SAAL1: variants seen among roughly 807,000 people sequenced by gnomAD.
The protein encoded by SAAL1 is protein SAAL1.
A neutral mutation model predicts 59.8 loss-of-function variants in SAAL1; 42 were observed. The ratio of observed to expected loss-of-function variants is 0.70; its 90% CI spans 0.55 to 0.91. SAAL1 has a LOEUF of 0.91. Ranked by LOEUF, SAAL1 falls within the 40% of genes least tolerant of loss-of-function variation. The pLI is 0.00. For synonymous variants in SAAL1, 191 were observed against 194.3 expected (o/e 0.98, Z 0.14); for missense variants, 542 against 561.1 (o/e 0.97, Z 0.34).
Position 18,089,319 on chromosome 11 carries a change from A to G in SAAL1, c.770+11T>C. 1 of 1,533,874 alleles carries G rather than the reference A, an allele frequency of 6.5e-7. No individual in the cohort carries two copies. The highest frequency in any genetic ancestry group is 2.4e-5 in the Admixed American group (1 of 41,286). On this transcript the variant is annotated intron_variant, in intron 7 of 11. Coordinates refer to ENST00000524803, the MANE Select transcript of SAAL1 (RefSeq NM_138421.3). Reference sequence around the variant, plus strand: ...TTTCCCAGAACATTTTACACAAAAGAGCTCACCTACCGTACTTGTTTGGCA... The same window carrying G: ...TTTCCCAGAACATTTTACACAAAAGGGCTCACCTACCGTACTTGTTTGGCA...
intron 2 of SAAL1, among the ~76,000 whole-genome samples, chr11:18,101,768 C>T (rs1256932326): frequency 6.8e-6 from 1 of 146,000 alleles, no homozygotes; most frequent in East Asian, 2.0e-4. Flanking sequence ...CATTCATCAA[C>T]AGGTAAAAAA....
chr11:18,095,783 T>C (rs1848568612), intron 3 of SAAL1, among the ~76,000 whole-genome samples: 1 of 152,250 alleles, frequency 6.6e-6, no homozygotes, highest in Non-Finnish European at 1.5e-5. Context: ...CTTTAGTCTT[T>C]ATCTATTGTT....
chr11:18,097,660 G>A (rs1290745507), intron 2 of SAAL1, among the ~76,000 whole-genome samples: 1 of 152,152 alleles, frequency 6.6e-6, no homozygotes, highest in East Asian at 1.9e-4. Flanking sequence ...CAAACATAGT[G>A]AAAACCCATA....
intron 4 of SAAL1, chr11:18,090,833 C>A: frequency 5.8e-6 from 1 of 172,638 alleles, no homozygotes; most frequent in Non-Finnish European, 1.2e-5. Flanking sequence ...CTTTATACTG[C>A]AGGTAAAAGG....
At chr11:18,087,515 T>C (rs1456999098) in intron 7 of SAAL1, among the ~76,000 whole-genome samples, 1 of 152,238 alleles carries the variant, frequency 6.6e-6, no homozygotes, top group Non-Finnish European at 1.5e-5. Flanking sequence ...AACCTACCAG[T>C]TGATACTTTA....
rs775300530 is a variant in SAAL1 at position 18,080,499 on chromosome 11, T to A, written c.1333-8A>T. Reference sequence around the variant, plus strand: ...TTTAATAAAATCTTCCACCTGTGAGTCAAACAAACAAACAAAAATCAAACA... The same window carrying A: ...TTTAATAAAATCTTCCACCTGTGAGACAAACAAACAAACAAAAATCAAACA... On this transcript the variant is annotated splice_region_variant and splice_polypyrimidine_tract_variant and intron_variant, in intron 11 of 11. Coordinates refer to ENST00000524803, the MANE Select transcript of SAAL1 (RefSeq NM_138421.3). The A allele has an allele frequency of 1.9e-5, 30 of 1,561,074 alleles. No individual in the cohort carries two copies. The highest frequency in any genetic ancestry group is 2.6e-5 in the Non-Finnish European group (30 of 1,155,672).
chr11:18,106,050 C>A lies in SAAL1; in HGVS notation c.-9G>T, dbSNP rs930016442. On this transcript the variant is annotated 5_prime_UTR_variant, in exon 1 of 12. Transcript: ENST00000524803. ...GAGGGGTTGCGGTCCATGACTTTGT[C>A]GCGTCCCGCGCTTGAAGGCCGTGCC... 3.8e-6 allele frequency: 6 copies of A among 1,595,848 alleles called. No individual in the cohort carries two copies. In the Admixed American group the frequency reaches 5.1e-5, roughly 14 times the overall value.
intron 3 of SAAL1, 27 bp from the exon 4 acceptor site, chr11:18,092,351 A>G: frequency 2.2e-6 from 3 of 1,387,678 alleles, no homozygotes; most frequent in Non-Finnish European, 2.0e-6. Flanking sequence ...TACAAGTCAC[A>G]ATGGCTCTGA....
rs1392272926 is a variant in SAAL1 at position 18,081,425 on chromosome 11, A to G, written c.1318T>C (p.Phe440Leu). Residue 440 changes from phenylalanine (F) to leucine (L), a missense_variant, in exon 11 of 12, where the codon TTC (phenylalanine) becomes CTC (leucine). Phe to Leu is a conservative substitution (Grantham distance 22, BLOSUM62 0). Coordinates refer to ENST00000524803, the MANE Select transcript of SAAL1 (RefSeq NM_138421.3). ...CCCATACTCACCACAGGGCTATAGA[A>G]AGGAAGAAGGTTTTGAAATGCAGAG... ...CSSAFQNLLPFYSPVVEDFIK... is the reference protein window; with the variant it reads ...CSSAFQNLLPLYSPVVEDFIK... 1 of 1,613,656 alleles carries G rather than the reference A, an allele frequency of 6.2e-7. No individual in the cohort carries two copies. Among genetic ancestry groups the G allele is most frequent in the Non-Finnish European group, 8.5e-7 (1 of 1,179,674 alleles).
chr11:18,080,594 GA>G (rs1311572343), intron 11 of SAAL1, 103 bp from the exon 12 acceptor site: 1 of 656,664 alleles, frequency 1.5e-6, no homozygotes, highest in East Asian at 2.9e-5. Flanking sequence ...CAATGGAAAA[GA>G]AATGCTGGCA....
At chr11:18,091,355 T>C (rs907039292) in intron 4 of SAAL1, among the ~76,000 whole-genome samples, 4 of 152,230 alleles carry the variant, frequency 2.6e-5, no homozygotes, top group Admixed American at 6.5e-5. Flanking sequence ...TGTTAACATT[T>C]CTCATTTTTG....
At chr11:18,080,715 CCGCCT>C (rs1176652284) in intron 11 of SAAL1, among the ~76,000 whole-genome samples, 2 of 152,188 alleles carry the variant, frequency 1.3e-5, no homozygotes, top group African/African-American at 4.8e-5. Context: ...ACTTCTCCCC[CCGCCT>C]CTTCTTTACA....
intron 3 of SAAL1, 93 bp downstream of exon 3, chr11:18,096,678 T>C: frequency 1.4e-6 from 1 of 738,448 alleles, no homozygotes; most frequent in Non-Finnish European, 2.4e-6. Context: ...TTATGGTCAG[T>C]AAGAAAATCA....
intron 4 of SAAL1, among the ~76,000 whole-genome samples, chr11:18,091,678 T>C (rs749506226): frequency 6.6e-5 from 10 of 152,216 alleles, no homozygotes; most frequent in Non-Finnish European, 1.3e-4. Flanking sequence ...AGCATATAAT[T>C]TCGGGGTGTT....
rs1234328111 is a variant in SAAL1, at chr11:18,087,006, A to C, written c.902T>G (p.Leu301Arg). 2 of 1,613,968 alleles carry C rather than the reference A, an allele frequency of 1.2e-6. No homozygotes were observed. The highest frequency in any genetic ancestry group is 3.3e-5 in the Admixed American group (2 of 60,006). Reference protein sequence around the residue: ...GKDIWNLLFDLVCHEFCQSDD... With the variant: ...GKDIWNLLFDRVCHEFCQSDD... ...AGACTGGCAGAATTCATGGCAGACC[A>C]GGTCAAAAAGTAAATTCCAAATGTC... Residue 301 changes from leucine (L) to arginine (R), a missense_variant, in exon 9 of 12, where the codon CTG becomes CGG. Transcript: ENST00000524803.
rs537336949 is a variant in SAAL1, at chr11:18,088,136, C to T, written c.771-911G>A. Among the ~76,000 whole-genome samples, 30 of 152,296 alleles carry T rather than the reference C, an allele frequency of 2.0e-4. No individual in the cohort carries two copies. The South Asian group carries it at 3.5e-3, about 18-fold the overall frequency. ...CAGCCTGGTTCAGTTGAAGAAGTGA[C>T]GCAAACTTCACATGACTGAAACGCA... On this transcript the variant is annotated intron_variant, in intron 7 of 11. Transcript: ENST00000524803.
chr11:18,089,498 A>G lies in SAAL1; in HGVS notation c.602T>C (p.Val201Ala). The G allele has an allele frequency of 1.2e-6, 2 of 1,611,038 alleles. No individual in the cohort carries two copies. The highest frequency in any genetic ancestry group is 1.7e-6 in the Non-Finnish European group (2 of 1,179,176). Residue 201 changes from valine to alanine, a missense_variant, in exon 7 of 12, where the codon GTG becomes GCG. Val to Ala is a moderately conservative substitution (Grantham distance 64). Transcript: ENST00000524803. ...CTTGTCCACAACCTCCCCCACCTTC[A>G]CCAGCAAGTCAACTGCAGAGAATAA... ...MSSSTNVDLL[V>A]KVGEVVDKLF... is the part of the protein sequence containing the mutation.
rs760263176 is a variant in SAAL1 at position 18,103,361 on chromosome 11, A to G, written c.136-15T>C. On this transcript the variant is annotated splice_polypyrimidine_tract_variant and intron_variant, in intron 1 of 11. Transcript: ENST00000524803. ...GGGCTAACAATCTTCAGAAACACAA[A>G]GAAAGAAAACATGAATAAAAGTTGT... is the stretch of plus-strand genomic sequence containing the variant. 2 of 1,585,034 alleles carry G rather than the reference A, an allele frequency of 1.3e-6. No homozygotes were observed. The highest frequency in any genetic ancestry group is 1.7e-6 in the Non-Finnish European group (2 of 1,154,410).
At chr11:18,081,595 C>T (rs1848410465) in intron 10 of SAAL1, 92 bp from the exon 11 acceptor site, 1 of 938,382 alleles carries the variant, frequency 1.1e-6, no homozygotes, top group Non-Finnish European at 1.7e-6. Context: ...CAATTCCCTC[C>T]TGACTTCATA....
Sources: allele counts gnomAD v4.1 joint callset (sites outside exome capture counted in the v4.1 genomes callset), GRCh38; gene constraint gnomAD v4.1.1; transcripts MANE v1.5; gene names NCBI Gene and HGNC (gene_info 2026-07-23, HGNC 2026-07-21).